The following ZNF236 variants were observed in gnomAD, a reference collection of about 807,000 sequenced individuals.
ZNF236 encodes zinc finger protein 236.
In ZNF236, 50 loss-of-function variants were observed where a neutral mutation model predicts 191.2. That is an observed-to-expected ratio of 0.26 (90% confidence interval 0.21 to 0.33). The LOEUF is 0.33. Among genes scored for constraint, ZNF236 ranks in the 10% least tolerant of loss-of-function variants. ZNF236 has a pLI of 1.00. For missense variants in ZNF236, 1,754 were observed against 2,374.5 expected (o/e 0.74, Z 5.43); for synonymous variants, 907 against 928.8 (o/e 0.98, Z 0.43).
At chr18:76,900,560 A>C (rs1252518494) in intron 11 of ZNF236, among the ~76,000 whole-genome samples, 1 of 152,210 alleles carries the variant, frequency 6.6e-6, no homozygotes, top group Non-Finnish European at 1.5e-5. Context: ...CTTTGATTAC[A>C]GTTCACTGAA....
At chr18:76,869,361 T>C (rs371131363) in intron 4 of ZNF236, among the ~76,000 whole-genome samples, 72 of 152,360 alleles carry the variant, frequency 4.7e-4, no homozygotes, top group African/African-American at 1.6e-3. Context: ...CAAGTAGTTC[T>C]ATGAGATTTT....
chr18:76,828,716 G>A (rs771478371), intron 1 of ZNF236, among the ~76,000 whole-genome samples: 2 of 152,294 alleles, frequency 1.3e-5, no homozygotes, highest in East Asian at 3.9e-4. Context: ...GCCCAGGCTG[G>A]TATGCAGTGG....
chr18:76,845,464 A>T (rs1351702920), intron 1 of ZNF236, among the ~76,000 whole-genome samples: 1 of 152,192 alleles, frequency 6.6e-6, no homozygotes, highest in Non-Finnish European at 1.5e-5. Flanking sequence ...GTGTTTGTGC[A>T]TGAGTGGCAG....
At chr18:76,841,687 T>C (rs1975509995) in intron 1 of ZNF236, among the ~76,000 whole-genome samples, 1 of 145,322 alleles carries the variant, frequency 6.9e-6, no homozygotes. Context: ...ACTGGGTTTT[T>C]TTTTTTCTTT....
chr18:76,874,131 C>T (rs1360310424), intron 5 of ZNF236, among the ~76,000 whole-genome samples: 2 of 151,730 alleles, frequency 1.3e-5, no homozygotes, highest in Admixed American at 6.6e-5. Context: ...CAGGCAGAGC[C>T]GTGACCGGGC....
At position 76,968,528 on chromosome 18, in the gene ZNF236, C is replaced by A; in HGVS notation, c.*189C>A. Reference sequence around the variant, plus strand: ...AAAAAAAAACTAGGAAAAGTGTCACCGCATTGTTCTCTTTTGTCTACAAAT... The same window carrying A: ...AAAAAAAAACTAGGAAAAGTGTCACAGCATTGTTCTCTTTTGTCTACAAAT... On this transcript the variant is annotated 3_prime_UTR_variant, in exon 31 of 31. Transcript: ENST00000320610. 1 of 1,366,054 alleles carries A rather than the reference C, an allele frequency of 7.3e-7. No individual in the cohort carries two copies. The highest frequency in any genetic ancestry group is 9.4e-7 in the Non-Finnish European group (1 of 1,068,902). 84.6% of individuals were successfully genotyped at this position (1,366,054 alleles called of 1,614,324 possible).
intron 3 of ZNF236, among the ~76,000 whole-genome samples, chr18:76,867,754 C>T (rs553911081): frequency 6.6e-6 from 1 of 152,284 alleles, no homozygotes; most frequent in South Asian, 2.1e-4. Flanking sequence ...GCACAGTCAG[C>T]GTCTTACAGG....
chr18:76,863,389 T>C (rs907047932), intron 3 of ZNF236, among the ~76,000 whole-genome samples: 2 of 152,018 alleles, frequency 1.3e-5, no homozygotes, highest in African/African-American at 4.8e-5. Flanking sequence ...CACCAAGACA[T>C]ATCATAATGA....
At chr18:76,877,461 C>T (rs561937488) in intron 6 of ZNF236, among the ~76,000 whole-genome samples, 5 of 151,362 alleles carry the variant, frequency 3.3e-5, no homozygotes, top group African/African-American at 1.2e-4. Flanking sequence ...GAGCCGAGAT[C>T]ACGCTGTTGC....
chr18:76,891,451 C>T (rs1018201906), intron 9 of ZNF236, among the ~76,000 whole-genome samples: 1 of 152,162 alleles, frequency 6.6e-6, no homozygotes, highest in East Asian at 1.9e-4. Flanking sequence ...TAGCTCACTG[C>T]AGCCTCGACC....
At chr18:76,825,905 C>T (rs890108455) in intron 1 of ZNF236, among the ~76,000 whole-genome samples, 1 of 152,094 alleles carries the variant, frequency 6.6e-6, no homozygotes, top group African/African-American at 2.4e-5. Context: ...GCCACTGCTT[C>T]CAGCTGAGGG....
In ZNF236 at chr18:76,972,713, A is replaced by C. The variant is rs961183820; in HGVS notation, c.*4374A>C. On this transcript the variant is annotated 3_prime_UTR_variant, in exon 31 of 31. Transcript: ENST00000320610. ...TTTGTTCTTGATTCACCACTAAAGA[A>C]AATTTTTAAAGTTAATTTTTTTTAA... 6.6e-6 allele frequency among the ~76,000 whole-genome samples: 1 copy of C among 151,676 alleles called. No individual in the cohort carries two copies. The highest frequency in any genetic ancestry group is 1.5e-5 in the Non-Finnish European group (1 of 67,972).
At position 76,905,245 on chromosome 18, in the gene ZNF236, C is replaced by T. The variant is rs180845826; in HGVS notation, c.2127C>T (p.His709=). ...AGVLKAHIRT[H]TGLKSFKCLI... ...TGCTCAAAGCACACATCAGAACACA[C>T]ACAGGACTGAAATCTTTCAAGTGTC... The change falls in exon 13 of 31, where the codon CAC becomes CAT. Residue 709 remains histidine (H), a synonymous_variant. Transcript: ENST00000320610. 91 of 1,614,182 alleles carry T rather than the reference C, an allele frequency of 5.6e-5. 1 individual carries two copies. In the African/African-American group the frequency reaches 9.2e-4, roughly 16 times the overall value.
At chr18:76,845,716 G>C (rs1284663430) in intron 1 of ZNF236, among the ~76,000 whole-genome samples, 1 of 152,106 alleles carries the variant, frequency 6.6e-6, no homozygotes, top group African/African-American at 2.4e-5. Flanking sequence ...AGGCGTGGTG[G>C]CGCACACCTG....
At chr18:76,947,290 A>T (rs769379833) in intron 26 of ZNF236, among the ~76,000 whole-genome samples, 20 of 152,038 alleles carry the variant, frequency 1.3e-4, no homozygotes, top group Non-Finnish European at 2.4e-4. Flanking sequence ...GTTGATGGGC[A>T]TTTGGGCTGT....
At chr18:76,823,887 G>A (rs1974942295) in intron 1 of ZNF236, among the ~76,000 whole-genome samples, 1 of 152,190 alleles carries the variant, frequency 6.6e-6, no homozygotes, top group Non-Finnish European at 1.5e-5. Context: ...TTGGACGCGA[G>A]TCTCCCCCTG....
At chr18:76,943,142 A>G (rs112399000) in intron 26 of ZNF236, among the ~76,000 whole-genome samples, 3 of 149,742 alleles carry the variant, frequency 2.0e-5, no homozygotes, top group African/African-American at 7.4e-5. Context: ...AAAAAAAAAA[A>G]GAAGAGCAAA....
At chr18:76,908,649 T>G in intron 14 of ZNF236, 76 bp downstream of exon 14, 1 of 1,520,704 alleles carries the variant, frequency 6.6e-7, no homozygotes, top group South Asian at 1.2e-5. Context: ...TGCAGTCCAT[T>G]GGTGTCTCCC....
intron 10 of ZNF236, 198 bp downstream of exon 10, chr18:76,895,483 A>G: frequency 1.4e-6 from 1 of 734,710 alleles, no homozygotes; most frequent in East Asian, 2.7e-5. Flanking sequence ...CCACACCGGT[A>G]CTGCCCACAG....
Sources: allele counts gnomAD v4.1 joint callset (sites outside exome capture counted in the v4.1 genomes callset), GRCh38; gene constraint gnomAD v4.1.1; transcripts MANE v1.5; gene names NCBI Gene and HGNC (gene_info 2026-07-23, HGNC 2026-07-21).